PCDHGC5: variants seen among roughly 807,000 people sequenced by gnomAD.
PCDHGC5 encodes the protein protocadherin gamma subfamily C, 5, also known as protocadherin gamma-C5.
A neutral mutation model predicts 59.0 loss-of-function variants in PCDHGC5; 25 were observed. The observed-to-expected ratio is 0.42, with a 90% CI of 0.31 to 0.59. The LOEUF (loss-of-function observed/expected upper bound fraction) is 0.59, where lower values mean the gene tolerates loss of function less well. Among genes scored for constraint, PCDHGC5 ranks in the 20% least tolerant of loss-of-function variants. The probability of loss-of-function intolerance (pLI) is 0.13; values close to 1 mark genes in which losing one functional copy is unlikely to be tolerated. For missense variants in PCDHGC5, 1,067 were observed against 1,206.4 expected, an observed-to-expected ratio of 0.88 and a Z score of 1.71; for synonymous variants, 434 against 505.5, an observed-to-expected ratio of 0.86 and a Z score of 1.90.
At chr5:141,500,086 A>G (rs1456179271) in intron 2 of PCDHGC5, among the ~76,000 whole-genome samples, 1 of 151,682 alleles carries the variant, frequency 6.6e-6, no homozygotes, top group Non-Finnish European at 1.5e-5. Flanking sequence ...TCCATCTTCC[A>G]TTTTTGCAAT....
chr5:141,495,900 G>A (rs1403705200), intron 2 of PCDHGC5, among the ~76,000 whole-genome samples: 2 of 151,894 alleles, frequency 1.3e-5, no homozygotes, highest in East Asian at 1.9e-4. Context: ...CTTTGTCTCT[G>A]TCTCTGTATA....
Position 141,489,429 on chromosome 5 carries a change from G to A in PCDHGC5, c.189G>A (p.Arg63=). 1 of 1,614,140 alleles carries A rather than the reference G, an allele frequency of 6.2e-7. No individual in the cohort carries two copies. Among genetic ancestry groups the A allele is most frequent in the Non-Finnish European group, 8.5e-7 (1 of 1,180,036 alleles). ...AGATGACAGATCTGTTGAGCCGGCG[G>A]CTGCAATTGGGCTCTGAGGAGAATG... ...GLKMTDLLSR[R]LQLGSEENGR... is the part of the protein sequence containing the mutation. The change falls in exon 1 of 4, where the codon CGG becomes CGA. Residue 63 remains arginine, a synonymous_variant. Transcript: ENST00000252087. The surrounding 1 kb of genome is among the most constrained non-coding windows in gnomAD (Gnocchi z 4.5).
intron 3 of PCDHGC5, among the ~76,000 whole-genome samples, chr5:141,506,473 G>A (rs976701500): frequency 2.7e-4 from 40 of 150,506 alleles, no homozygotes; most frequent in Admixed American, 1.5e-3. Flanking sequence ...AAAGAGCACA[G>A]GCTTTAGAGG....
At chr5:141,495,492 G>C (rs1321150765) in intron 2 of PCDHGC5, among the ~76,000 whole-genome samples, 1 of 152,148 alleles carries the variant, frequency 6.6e-6, no homozygotes, top group Non-Finnish European at 1.5e-5. Flanking sequence ...CCTTTTTCTT[G>C]AGTTTCCGTC....
intron 2 of PCDHGC5, among the ~76,000 whole-genome samples, chr5:141,502,404 C>G (rs1270930372): frequency 6.6e-6 from 1 of 151,880 alleles, no homozygotes; most frequent in African/African-American, 2.4e-5. Context: ...TGTCCCCGAA[C>G]CTGGATTTGC....
chr5:141,507,632 G>A (rs551849213), intron 3 of PCDHGC5, among the ~76,000 whole-genome samples: 6 of 152,360 alleles, frequency 3.9e-5, no homozygotes, highest in Non-Finnish European at 7.3e-5. Flanking sequence ...GTGGCCTTGC[G>A]CCCTGAGGCC....
chr5:141,495,973 A>C (rs2099764953), intron 2 of PCDHGC5, among the ~76,000 whole-genome samples: 1 of 146,988 alleles, frequency 6.8e-6, no homozygotes, highest in African/African-American at 2.5e-5. Context: ...TTTCTCTGTT[A>C]CTCTTTCTTT....
intron 1 of PCDHGC5, 91 bp from the exon 2 acceptor site, chr5:141,494,716 C>T (rs1448674271): frequency 3.7e-6 from 6 of 1,604,970 alleles, no homozygotes; most frequent in East Asian, 4.5e-5. Flanking sequence ...TGCCCACTCC[C>T]CTCCTTCTCT....
Position 141,489,902 on chromosome 5 carries a change from C to T in PCDHGC5, c.662C>T (p.Ala221Val). The T allele has an allele frequency of 6.2e-7, 1 of 1,614,218 alleles. No individual in the cohort carries two copies. The highest frequency in any genetic ancestry group is 8.5e-7 in the Non-Finnish European group (1 of 1,180,032). The change falls in exon 1 of 4, where the codon GCC becomes GTC. Residue 221 changes from alanine (A) to valine (V), a missense_variant. Physicochemically the swap from Ala to Val is moderately conservative, Grantham distance 64. Transcript: ENST00000252087. This position sits in a 1 kb window ranked among gnomAD's most constrained non-coding sequence, Gnocchi z 4.5. Reference sequence around the variant, plus strand: ...ACTGCTGTGGATGGGGGGACCCCAGCCCGCTCAGGGACCACCCTTATCTCT... The same window carrying T: ...ACTGCTGTGGATGGGGGGACCCCAGTCCGCTCAGGGACCACCCTTATCTCT... ...VLTAVDGGTPARSGTTLISVI... is the reference protein window; with the variant it reads ...VLTAVDGGTPVRSGTTLISVI...
At position 141,510,842 on chromosome 5, in the gene PCDHGC5, G is replaced by A. The variant is rs531098325; in HGVS notation, c.2609-105G>A. 8.7e-5 allele frequency: 138 copies of A among 1,590,280 alleles called. No homozygotes were observed. The African/African-American group carries it at 1.7e-3, about 19-fold the overall frequency. ...TATTCCCAGTGCTCAGCGTGGTCAA[G>A]GCCCAGGGTGCTGTATAGGCATTCA... On this transcript the variant is annotated intron_variant, in intron 3 of 3. Coordinates refer to ENST00000252087, the MANE Select transcript of PCDHGC5 (RefSeq NM_018929.3).
chr5:141,492,833 C>T (rs951935267), intron 1 of PCDHGC5, among the ~76,000 whole-genome samples: 2 of 152,222 alleles, frequency 1.3e-5, no homozygotes, highest in African/African-American at 4.8e-5. Flanking sequence ...CCCTTCCTCC[C>T]GCAGGAAGTG....
At chr5:141,507,003 G>A (rs569257489) in intron 3 of PCDHGC5, 3 of 152,342 alleles carry the variant, frequency 2.0e-5, no homozygotes, top group African/African-American at 7.2e-5. Context: ...CGACAGATGA[G>A]AGAACCGAGA....
At chr5:141,501,470 TG>T (rs1206698871) in intron 2 of PCDHGC5, among the ~76,000 whole-genome samples, 1 of 152,068 alleles carries the variant, frequency 6.6e-6, no homozygotes, top group African/African-American at 2.4e-5. Flanking sequence ...CCCCAAATCC[TG>T]GAAGAGTCCC....
intron 2 of PCDHGC5, among the ~76,000 whole-genome samples, chr5:141,498,994 AAGGAAGGAAGG>A (rs2099788184): frequency 2.0e-5 from 3 of 148,560 alleles, no homozygotes; most frequent in Non-Finnish European, 4.5e-5. Flanking sequence ...GGAAGGAAGG[AAGGAAGGAAGG>A]AAGGAAGGAA....
At chr5:141,507,852 T>C (rs556569001) in intron 3 of PCDHGC5, among the ~76,000 whole-genome samples, 25 of 152,118 alleles carry the variant, frequency 1.6e-4, no homozygotes, top group Non-Finnish European at 2.6e-4. Context: ...CTGCTCTCAC[T>C]TTCACACCCG....
At chr5:141,506,563 C>T (rs925780739) in intron 3 of PCDHGC5, among the ~76,000 whole-genome samples, 2 of 152,062 alleles carry the variant, frequency 1.3e-5, no homozygotes, top group Non-Finnish European at 2.9e-5. Context: ...TAAACCCCCT[C>T]GGTTTCACTT....
chr5:141,509,882 G>A (rs1374735632), intron 3 of PCDHGC5, among the ~76,000 whole-genome samples: 1 of 152,182 alleles, frequency 6.6e-6, no homozygotes. Context: ...GGTGGTGATG[G>A]TGACTGACTG....
intron 2 of PCDHGC5, among the ~76,000 whole-genome samples, chr5:141,498,039 A>G (rs2099781185): frequency 6.6e-6 from 1 of 152,264 alleles, no homozygotes; most frequent in Non-Finnish European, 1.5e-5. Flanking sequence ...CCAAATAATT[A>G]CAAAAATAAA....
chr5:141,490,862 C>G lies in PCDHGC5; in HGVS notation c.1622C>G (p.Ser541Cys). 1 of 1,613,878 alleles carries G rather than the reference C, an allele frequency of 6.2e-7. No homozygotes were observed. Among genetic ancestry groups the G allele is most frequent in the East Asian group, 2.2e-5 (1 of 44,874 alleles). The part of the protein sequence containing the change: ...QIVVGVRDSG[S>C]PPLHANTSLH... ...GTGGTGGGGGTTCGAGACTCCGGCTCTCCCCCATTGCATGCCAACACATCT... is the reference window on the plus strand; with the variant it reads ...GTGGTGGGGGTTCGAGACTCCGGCTGTCCCCCATTGCATGCCAACACATCT... Residue 541 changes from serine to cysteine, a missense_variant, in exon 1 of 4, where the codon TCT (serine) becomes TGT (cysteine). Coordinates refer to ENST00000252087, the MANE Select transcript of PCDHGC5 (RefSeq NM_018929.3). The surrounding 1 kb of genome is among the most constrained non-coding windows in gnomAD (Gnocchi z 5.4).
Sources: gnomAD v4.1 joint callset for allele counts (sites outside exome capture counted in the v4.1 genomes callset) on GRCh38, gnomAD v4.1.1 for gene constraint, Gnocchi (gnomAD v3.1) non-coding constraint, MANE v1.5 for transcripts, NCBI Gene and HGNC (gene_info 2026-07-23, HGNC 2026-07-21) for gene names.